The following AGAP1 variants were observed in gnomAD, a reference collection of about 807,000 sequenced individuals.
The protein encoded by AGAP1 is ArfGAP with GTPase domain, ankyrin repeat and PH domain 1, also known as arf-GAP with GTPase, ANK repeat and PH domain-containing protein 1.
In AGAP1, 29 loss-of-function variants were observed where a neutral mutation model predicts 105.3. That is an observed-to-expected ratio of 0.28 (90% CI 0.21 to 0.38). The LOEUF is 0.38. Among genes scored for constraint, AGAP1 ranks in the 10% least tolerant of loss-of-function variants. AGAP1 has a pLI of 1.00. For synonymous variants in AGAP1, 509 were observed against 485.9 expected, an observed-to-expected ratio of 1.05 and a Z score of -0.63; for missense variants, 998 against 1,165.1, an observed-to-expected ratio of 0.86 and a Z score of 2.09.
rs186965562 is a variant in AGAP1, at chr2:235,704,266, C to T, written c.164-4913C>T. Among the ~76,000 whole-genome samples, 147 of 152,366 alleles carry T rather than the reference C, an allele frequency of 9.6e-4. 1 individual carries two copies. The highest frequency in any genetic ancestry group is 3.7e-4 in the Non-Finnish European group (25 of 68,038). ...AGAAATTCCCGCTCTTGGAGTTTTA[C>T]ACTTGTAACATCTGCTTAGCAAATT... On this transcript the variant is annotated intron_variant, in intron 1 of 17. Coordinates refer to ENST00000304032, the MANE Select transcript of AGAP1 (RefSeq NM_001037131.3).
Position 236,011,472 on chromosome 2 carries a change from G to A in AGAP1, c.1646-25089G>A, listed in dbSNP as rs142157827. Among the ~76,000 whole-genome samples, 1,123 of 152,306 alleles carry A rather than the reference G, an allele frequency of 7.4e-3. 11 individuals carry two copies. Among genetic ancestry groups the A allele is most frequent in the African/African-American group, 0.026 (1,063 of 41,564 alleles). ...TAAGACAGTGCTGAGACATCCTGCC[G>A]CATACATAGCTATGGGAGGCATTGT... On this transcript the variant is annotated intron_variant, in intron 13 of 17. Coordinates refer to ENST00000304032, the MANE Select transcript of AGAP1 (RefSeq NM_001037131.3).
chr2:235,602,881 T>C (rs1219093696), intron 1 of AGAP1, among the ~76,000 whole-genome samples: 3 of 152,136 alleles, frequency 2.0e-5, no homozygotes, highest in South Asian at 2.1e-4. Context: ...TTTGTATTTT[T>C]AGTAGAGAAG....
intron 1 of AGAP1, among the ~76,000 whole-genome samples, chr2:235,708,353 C>A (rs10210682): frequency 0.058 from 8,758 of 152,206 alleles, 852 homozygotes; most frequent in African/African-American, 0.2. Flanking sequence ...CATGGGGTCT[C>A]ATTTATGATA....
intron 1 of AGAP1, among the ~76,000 whole-genome samples, chr2:235,680,981 T>A (rs1332545381): frequency 6.6e-6 from 1 of 152,104 alleles, no homozygotes; most frequent in Non-Finnish European, 1.5e-5. Flanking sequence ...AGCTGGGCAG[T>A]TTGCTGGCCT....
At position 235,614,656 on chromosome 2, in the gene AGAP1, T is replaced by C. The variant is rs1946248665; in HGVS notation, c.164-94523T>C. Among the ~76,000 whole-genome samples, 1 of 152,152 alleles carries C rather than the reference T, an allele frequency of 6.6e-6. No homozygotes were observed. ...TCTCTACCCCCGTTGCAGATTGGCT[T>C]GTGGTTTGGGGTGTGCCAGGCTCAG... On this transcript the variant is annotated intron_variant, in intron 1 of 17. Transcript: ENST00000304032. The surrounding 1 kb of genome is among the most constrained non-coding windows in gnomAD (Gnocchi z 4.7).
intron 13 of AGAP1, among the ~76,000 whole-genome samples, chr2:235,991,170 G>A (rs1244328505): frequency 1.3e-5 from 2 of 152,162 alleles, no homozygotes; most frequent in African/African-American, 4.8e-5. Context: ...TTTTTGTGTT[G>A]TACTTATTCT....
At chr2:235,836,756 C>G (rs991473108) in intron 9 of AGAP1, among the ~76,000 whole-genome samples, 1 of 152,182 alleles carries the variant, frequency 6.6e-6, no homozygotes, top group African/African-American at 2.4e-5. Flanking sequence ...GGAGACAGCC[C>G]TGAAGAATCA....
At chr2:236,112,009 G>A (rs1341560573) in intron 16 of AGAP1, among the ~76,000 whole-genome samples, 3 of 152,132 alleles carry the variant, frequency 2.0e-5, no homozygotes, top group African/African-American at 4.8e-5. Context: ...GCTCCCACGT[G>A]GTCTTCCCTC....
intron 11 of AGAP1, among the ~76,000 whole-genome samples, chr2:235,925,992 T>C (rs1207614298): frequency 6.6e-6 from 1 of 152,234 alleles, no homozygotes; most frequent in East Asian, 1.9e-4. Context: ...TGAGTGAGAA[T>C]ACAGTGATTT....
intron 12 of AGAP1, among the ~76,000 whole-genome samples, chr2:235,935,219 G>T (rs977353692): frequency 1.3e-5 from 2 of 152,186 alleles, no homozygotes; most frequent in Non-Finnish European, 2.9e-5. Flanking sequence ...TCTGCCCTTA[G>T]AGAAAATGCA....
chr2:236,064,680 G>T (rs1269335400), intron 16 of AGAP1, among the ~76,000 whole-genome samples: 2 of 152,162 alleles, frequency 1.3e-5, no homozygotes, highest in African/African-American at 4.8e-5. Context: ...CCACACTGCT[G>T]CAGAGGGACC....
intron 1 of AGAP1, among the ~76,000 whole-genome samples, chr2:235,501,185 T>TG (rs1941547164): frequency 6.6e-6 from 1 of 152,154 alleles, no homozygotes. Flanking sequence ...CATCTGTCAG[T>TG]GGGCTGCGTT....
intron 16 of AGAP1, among the ~76,000 whole-genome samples, chr2:236,100,772 G>A (rs1172460033): frequency 6.6e-6 from 1 of 151,744 alleles, no homozygotes; most frequent in East Asian, 1.9e-4. Flanking sequence ...GGAGGCTGCA[G>A]TGAGCCGAGA....
chr2:236,113,021 C>T lies in AGAP1; in HGVS notation c.2115-7171C>T, dbSNP rs1258286637. 6.6e-6 allele frequency among the ~76,000 whole-genome samples: 1 copy of T among 152,262 alleles called. No individual in the cohort carries two copies. Among genetic ancestry groups the T allele is most frequent in the Non-Finnish European group, 1.5e-5 (1 of 68,052 alleles). On this transcript the variant is annotated intron_variant, in intron 16 of 17. Transcript: ENST00000304032. This position sits in a 1 kb window ranked among gnomAD's most constrained non-coding sequence, Gnocchi z 4.3. ...CTCCACTGTTTTTCCCCTTTTGAAA[C>T]TTGCAATAAAATCTACCTGTCTCTT...
chr2:235,839,471 G>T (rs1960549265), intron 9 of AGAP1, among the ~76,000 whole-genome samples: 1 of 152,158 alleles, frequency 6.6e-6, no homozygotes, highest in Non-Finnish European at 1.5e-5. Flanking sequence ...AGCAAGCCGG[G>T]CACAGTAGCT....
At chr2:235,852,630 C>T (rs1011491103) in intron 9 of AGAP1, 4 of 1,377,006 alleles carry the variant, frequency 2.9e-6, no homozygotes, top group Non-Finnish European at 3.8e-6. Context: ...TTAGCCATAA[C>T]CCTCATCAGA....
At chr2:235,834,364 A>G (rs570586186) in intron 9 of AGAP1, among the ~76,000 whole-genome samples, 1 of 152,216 alleles carries the variant, frequency 6.6e-6, no homozygotes, top group African/African-American at 2.4e-5. Context: ...GCAGATTCAG[A>G]TATGCCTTCT....
intron 1 of AGAP1, among the ~76,000 whole-genome samples, chr2:235,584,823 T>A (rs1945048981): frequency 6.6e-6 from 1 of 151,782 alleles, no homozygotes; most frequent in Non-Finnish European, 1.5e-5. Flanking sequence ...CCACGTGGTC[T>A]CTGCTTTTAT....
chr2:235,846,952 C>G (rs1961568098), intron 9 of AGAP1, among the ~76,000 whole-genome samples: 1 of 152,194 alleles, frequency 6.6e-6, no homozygotes, highest in Non-Finnish European at 1.5e-5. Flanking sequence ...TGAAGAGGGC[C>G]TGTGGCCTCC....
Sources: gnomAD v4.1 joint callset for allele counts (sites outside exome capture counted in the v4.1 genomes callset) on GRCh38, gnomAD v4.1.1 for gene constraint, Gnocchi (gnomAD v3.1) non-coding constraint, MANE v1.5 for transcripts, NCBI Gene and HGNC (gene_info 2026-07-23, HGNC 2026-07-21) for gene names.